The following GSK3B variants were observed in gnomAD, a reference collection of about 807,000 sequenced individuals.
The protein encoded by GSK3B is glycogen synthase kinase-3 beta.
Under a neutral mutation model 56.4 loss-of-function variants are expected in GSK3B, and 15 were observed. That is an observed-to-expected ratio of 0.27 (90% CI 0.18 to 0.41). The LOEUF (loss-of-function observed/expected upper bound fraction) is 0.41. Among genes scored for constraint, GSK3B ranks in the 10% least tolerant of loss-of-function variants. GSK3B has a pLI of 1.00. For missense variants in GSK3B, 300 were observed against 513.4 expected, an observed-to-expected ratio of 0.58 and a Z score of 4.02; for synonymous variants, 181 against 188.9, an observed-to-expected ratio of 0.96 and a Z score of 0.34.
At chr3:119,855,353 A>C (rs2056003254) in intron 9 of GSK3B, among the ~76,000 whole-genome samples, 1 of 152,194 alleles carries the variant, frequency 6.6e-6, no homozygotes, top group Admixed American at 6.5e-5. Flanking sequence ...GGATGTGGAA[A>C]AATAGGAACA....
At chr3:119,912,526 G>C (rs1405022754) in intron 6 of GSK3B, among the ~76,000 whole-genome samples, 178 bp downstream of exon 6, 4 of 151,570 alleles carry the variant, frequency 2.6e-5, no homozygotes, top group Non-Finnish European at 5.9e-5. Flanking sequence ...GCAGTGCCTG[G>C]AAAGTATAAT....
chr3:119,914,518 C>T (rs538259577), intron 5 of GSK3B, among the ~76,000 whole-genome samples: 1 of 151,936 alleles, frequency 6.6e-6, no homozygotes, highest in Non-Finnish European at 1.5e-5. Flanking sequence ...GTGAAGACAC[C>T]CCATTAACAA....
chr3:119,960,802 T>C (rs2057264296), intron 2 of GSK3B, among the ~76,000 whole-genome samples: 1 of 152,212 alleles, frequency 6.6e-6, no homozygotes, highest in African/African-American at 2.4e-5. Context: ...ATTTTGCATA[T>C]TTATTCATTA....
chr3:119,833,040 A>C, intron 10 of GSK3B: 1 of 904,396 alleles, frequency 1.1e-6, no homozygotes, highest in Non-Finnish European at 1.3e-6. Context: ...CAACTGTCTC[A>C]ATACTGAGGA....
At chr3:119,984,590 T>C (rs533955678) in intron 2 of GSK3B, among the ~76,000 whole-genome samples, 131 of 152,248 alleles carry the variant, frequency 8.6e-4, no homozygotes, top group African/African-American at 3.0e-3. Flanking sequence ...TAAACACCTC[T>C]ATGCAAATAA....
chr3:119,966,705 C>G (rs61511292), intron 2 of GSK3B, among the ~76,000 whole-genome samples: 3,937 of 152,206 alleles, frequency 0.026, 173 homozygotes, highest in African/African-American at 0.089. Flanking sequence ...ACTTCACCAC[C>G]ATTCCCTATC....
intron 2 of GSK3B, among the ~76,000 whole-genome samples, chr3:119,952,245 T>C (rs940028639): frequency 6.6e-6 from 1 of 152,032 alleles, no homozygotes; most frequent in Admixed American, 6.6e-5. Context: ...CCCAGCACTT[T>C]GGGAGGCCGA....
intron 1 of GSK3B, among the ~76,000 whole-genome samples, chr3:120,066,480 G>C (rs2058279448): frequency 6.6e-6 from 1 of 152,052 alleles, no homozygotes; most frequent in African/African-American, 2.4e-5. Context: ...TCAAAACTGG[G>C]GGTTCATATA....
At chr3:119,951,680 A>T (rs965669060) in intron 2 of GSK3B, among the ~76,000 whole-genome samples, 12 of 150,746 alleles carry the variant, frequency 8.0e-5, no homozygotes, top group African/African-American at 2.0e-4. Context: ...TAATCAGGTT[A>T]AAAAAAAGCA....
chr3:119,923,325 T>C, intron 4 of GSK3B, 48 bp downstream of exon 4: 1 of 930,896 alleles, frequency 1.1e-6, no homozygotes, highest in Non-Finnish European at 1.7e-6. Context: ...TCTCCTTGGT[T>C]CATAAAAAAT....
intron 1 of GSK3B, among the ~76,000 whole-genome samples, chr3:120,025,809 G>A (rs1355898969): frequency 6.6e-6 from 1 of 152,146 alleles, no homozygotes; most frequent in Non-Finnish European, 1.5e-5. Flanking sequence ...GATGTTTGTA[G>A]AAAAACCAAC....
chr3:119,908,263 C>A (rs906707727), intron 6 of GSK3B, among the ~76,000 whole-genome samples: 1 of 152,034 alleles, frequency 6.6e-6, no homozygotes, highest in Non-Finnish European at 1.5e-5. Flanking sequence ...AATCAAACTG[C>A]CTTTATTTTA....
rs111858421 is a variant in GSK3B at position 119,828,095 on chromosome 3, C to T, written c.1196-1240G>A. On this transcript the variant is annotated intron_variant, in intron 10 of 10. Coordinates refer to ENST00000264235, the MANE Select transcript of GSK3B (RefSeq NM_001146156.2). The stretch of plus-strand genomic sequence containing the variant: ...GGTAACCCATAAATATATACACCTA[C>T]TATGTCCCCACAAAAATTAAAAATT... Among the ~76,000 whole-genome samples, 269 of 152,248 alleles carry T rather than the reference C, an allele frequency of 1.8e-3. 1 individual carries two copies. The highest frequency in any genetic ancestry group is 6.3e-3 in the African/African-American group (263 of 41,548).
At chr3:120,055,791 C>CTTT (rs2058187130) in intron 1 of GSK3B, among the ~76,000 whole-genome samples, 1 of 151,962 alleles carries the variant, frequency 6.6e-6, no homozygotes, top group African/African-American at 2.4e-5. Flanking sequence ...AGAATATTAG[C>CTTT]CAATTGGAGA....
At chr3:119,893,634 C>T (rs1316817818) in intron 7 of GSK3B, among the ~76,000 whole-genome samples, 7 of 152,098 alleles carry the variant, frequency 4.6e-5, no homozygotes, top group Non-Finnish European at 1.0e-4. Context: ...GAATGAACTA[C>T]TAAAGGAGGG....
intron 1 of GSK3B, among the ~76,000 whole-genome samples, chr3:120,073,771 C>T (rs921943518): frequency 1.9e-4 from 29 of 152,106 alleles, no homozygotes; most frequent in African/African-American, 6.3e-4. Context: ...GCTCTGTAAG[C>T]GTCAGTTTCC....
chr3:119,833,258 AAG>A (rs2055632654), intron 10 of GSK3B, among the ~76,000 whole-genome samples: 1 of 152,050 alleles, frequency 6.6e-6, no homozygotes, highest in Admixed American at 6.6e-5. Flanking sequence ...TTTAAATAAA[AAG>A]AGAGTAGAAA....
At chr3:119,851,541 T>C (rs984331416) in intron 9 of GSK3B, among the ~76,000 whole-genome samples, 1 of 152,094 alleles carries the variant, frequency 6.6e-6, no homozygotes, top group Non-Finnish European at 1.5e-5. Context: ...AGAGCAGCAA[T>C]CAATGTGTGA....
In GSK3B at chr3:119,989,448, C is replaced by T. The variant is rs1177629437; in HGVS notation, c.282+12598G>A. Among the ~76,000 whole-genome samples, 5 of 151,996 alleles carry T rather than the reference C, an allele frequency of 3.3e-5. No homozygotes were observed. The South Asian group carries it at 6.3e-4, about 19-fold the overall frequency. ...ACCTGAAGCCAGGAGTTCAAGACCA[C>T]CCTGACCAACAAGGTGAAACCCCAT... On this transcript the variant is annotated intron_variant, in intron 2 of 10. Coordinates refer to ENST00000264235, the MANE Select transcript of GSK3B (RefSeq NM_001146156.2).
Sources: allele counts gnomAD v4.1 joint callset (sites outside exome capture counted in the v4.1 genomes callset), GRCh38; gene constraint gnomAD v4.1.1; transcripts MANE v1.5; gene names NCBI Gene and HGNC (gene_info 2026-07-23, HGNC 2026-07-21).